The following BMPR2 variants were observed in gnomAD, a reference collection of about 807,000 sequenced individuals.
BMPR2 encodes bone morphogenetic protein receptor type 2.
A neutral mutation model predicts 100.8 loss-of-function variants in BMPR2; 29 were observed. That is an observed-to-expected ratio of 0.29 (90% CI 0.21 to 0.39). The LOEUF is 0.39. BMPR2 is among the 10% of genes least tolerant of loss of function. BMPR2 has a pLI of 1.00. For synonymous variants in BMPR2, 382 were observed against 442.3 expected, an observed-to-expected ratio of 0.86 and a Z score of 1.71; for missense variants, 1,011 against 1,274.5, an observed-to-expected ratio of 0.79 and a Z score of 3.15.
chr2:202,447,640 A>T (rs1321516432), intron 1 of BMPR2, among the ~76,000 whole-genome samples: 1 of 150,770 alleles, frequency 6.6e-6, no homozygotes, highest in Non-Finnish European at 1.5e-5. Context: ...TGATTGCACC[A>T]TTGCACTCCA....
At chr2:202,537,510 A>G (rs1688183432) in intron 9 of BMPR2, among the ~76,000 whole-genome samples, 1 of 152,214 alleles carries the variant, frequency 6.6e-6, no homozygotes, top group South Asian at 2.1e-4. Flanking sequence ...GGGGCTTAAA[A>G]AGGAAAAAGA....
At chr2:202,482,537 C>CTA (rs1002949860) in intron 3 of BMPR2, among the ~76,000 whole-genome samples, 1 of 151,224 alleles carries the variant, frequency 6.6e-6, no homozygotes, top group African/African-American at 2.4e-5. Context: ...CCATGCCTGT[C>CTA]TAATTTTTTT....
chr2:202,524,361 CAAA>C (rs768641807), intron 7 of BMPR2, among the ~76,000 whole-genome samples: 1 of 97,348 alleles, frequency 1.0e-5, no homozygotes. Context: ...GAGTCTGTCT[CAAA>C]AAAAAAAAAA....
chr2:202,523,617 C>T (rs1687856965), intron 7 of BMPR2, among the ~76,000 whole-genome samples: 1 of 151,880 alleles, frequency 6.6e-6, no homozygotes, highest in Admixed American at 6.6e-5. Flanking sequence ...CAGCCTGAGT[C>T]AACATGGAGA....
intron 1 of BMPR2, among the ~76,000 whole-genome samples, chr2:202,427,890 G>T: frequency 6.6e-6 from 1 of 152,054 alleles, no homozygotes; most frequent in Non-Finnish European, 1.5e-5. Flanking sequence ...GGGGTGGGAG[G>T]ATCACTTGAG....
At chr2:202,484,589 C>T (rs931952626) in intron 3 of BMPR2, among the ~76,000 whole-genome samples, 1 of 151,676 alleles carries the variant, frequency 6.6e-6, no homozygotes, top group East Asian at 2.0e-4. Flanking sequence ...AGGAGAATGG[C>T]GTGAACCTGG....
intron 1 of BMPR2, among the ~76,000 whole-genome samples, chr2:202,434,890 A>T (rs1691575962): frequency 1.8e-5 from 1 of 57,084 alleles, no homozygotes; most frequent in Admixed American, 2.7e-4. Flanking sequence ...AAAAAAAAAA[A>T]AAAAAAAAAA....
Position 202,559,902 on chromosome 2 carries a change from G to T in BMPR2, c.3073G>T (p.Ala1025Ser). 1 of 1,614,106 alleles carries T rather than the reference G, an allele frequency of 6.2e-7. No individual in the cohort carries two copies. The highest frequency in any genetic ancestry group is 8.5e-7 in the Non-Finnish European group (1 of 1,180,024). ...TGTTTACCTTGCAGAAGGAGGCACT[G>T]CTACAACCATGGTGTCTAAAGATAT... ...TAVYLAEGGT[A>S]TTMVSKDIGM... The change falls in exon 13 of 13, where the codon GCT (alanine) becomes TCT (serine). Residue 1025 changes from alanine to serine, a missense_variant. By Grantham distance (99) the Ala-to-Ser change is moderately conservative. Around this residue, in one of 6 missense-constraint regions of BMPR2, gnomAD observed 58 missense variants for 72.3 expected, o/e 0.80. Transcript: ENST00000374580.
intron 1 of BMPR2, among the ~76,000 whole-genome samples, chr2:202,438,535 C>T (rs1691663170): frequency 9.5e-6 from 1 of 105,786 alleles, no homozygotes; most frequent in African/African-American, 3.8e-5. Flanking sequence ...ATTACCTAAT[C>T]CAGGATCATA....
rs751839466 is a variant in BMPR2 at position 202,552,707 on chromosome 2, G to A, written c.1414-9G>A. ...AGACACATGGTTTGACATGTACTTT[G>A]TCTTACAGGCAGTGAGGTCACTCAA... On this transcript the variant is annotated splice_polypyrimidine_tract_variant and intron_variant, in intron 10 of 12. Coordinates refer to ENST00000374580, the MANE Select transcript of BMPR2 (RefSeq NM_001204.7). 6.2e-6 allele frequency: 10 copies of A among 1,613,558 alleles called. No homozygotes were observed. The highest frequency in any genetic ancestry group is 1.7e-5 in the Admixed American group (1 of 59,974).
At chr2:202,558,268 A>G (rs1372536906) in intron 12 of BMPR2, among the ~76,000 whole-genome samples, 1 of 151,930 alleles carries the variant, frequency 6.6e-6, no homozygotes, top group Non-Finnish European at 1.5e-5. Context: ...ATGTGCCACC[A>G]TGCCCTGCTA....
chr2:202,520,528 C>G (rs1254837805), intron 7 of BMPR2: 6 of 352,292 alleles, frequency 1.7e-5, no homozygotes, highest in African/African-American at 1.3e-4. Flanking sequence ...TCTACAGAAA[C>G]AAGTTAAAGT....
intron 10 of BMPR2, among the ~76,000 whole-genome samples, chr2:202,547,808 G>GC (rs1688403309): frequency 6.7e-6 from 1 of 149,496 alleles, no homozygotes; most frequent in Admixed American, 6.7e-5. Flanking sequence ...AAAAGGCCAG[G>GC]CACGGCAGCT....
chr2:202,542,755 A>C (rs547963823), intron 10 of BMPR2, among the ~76,000 whole-genome samples: 1 of 152,188 alleles, frequency 6.6e-6, no homozygotes. Flanking sequence ...TTGAAATTCT[A>C]TCTTACTCTC....
intron 9 of BMPR2, among the ~76,000 whole-genome samples, chr2:202,539,201 A>T (rs1688225211): frequency 6.6e-6 from 1 of 152,182 alleles, no homozygotes; most frequent in South Asian, 2.1e-4. Flanking sequence ...GAAGCTGATT[A>T]AAAAATAAAA....
intron 7 of BMPR2, among the ~76,000 whole-genome samples, chr2:202,523,546 G>C (rs1034667950): frequency 7.2e-5 from 11 of 152,238 alleles, no homozygotes; most frequent in African/African-American, 2.7e-4. Flanking sequence ...GATTACGCCT[G>C]TAATCCCAGC....
At chr2:202,538,051 G>A (rs1258660438) in intron 9 of BMPR2, among the ~76,000 whole-genome samples, 1 of 152,156 alleles carries the variant, frequency 6.6e-6, no homozygotes, top group East Asian at 1.9e-4. Flanking sequence ...GAACCTGGGA[G>A]GCAGAGGTTG....
intron 1 of BMPR2, among the ~76,000 whole-genome samples, chr2:202,420,255 A>G (rs1489826084): frequency 6.6e-6 from 1 of 152,122 alleles, no homozygotes; most frequent in African/African-American, 2.4e-5. Flanking sequence ...CTTTATAAAC[A>G]TCTATTCAAA....
chr2:202,504,260 A>G (rs1206500800), intron 3 of BMPR2, among the ~76,000 whole-genome samples: 1 of 152,098 alleles, frequency 6.6e-6, no homozygotes, highest in Admixed American at 6.5e-5. Flanking sequence ...GCTCTTTGCA[A>G]TAAATCTTGC....
Sources: allele counts gnomAD v4.1 joint callset (sites outside exome capture counted in the v4.1 genomes callset), GRCh38; gene constraint gnomAD v4.1.1; regional missense constraint gnomAD v4.1.1; transcripts MANE v1.5; gene names NCBI Gene and HGNC (gene_info 2026-07-23, HGNC 2026-07-21).